SHF: variants seen among roughly 807,000 people sequenced by gnomAD.
SHF encodes the protein Src homology 2 domain containing F.
SHF carries 30 observed loss-of-function variants against 42.4 expected under a neutral mutation model. That is an observed-to-expected ratio of 0.71 (90% CI 0.53 to 0.96). SHF has a LOEUF of 0.96. Among genes scored for constraint, SHF ranks in the 40% least tolerant of loss-of-function variants. SHF has a pLI of 0.00. For missense variants in SHF, 598 were observed against 634.0 expected (o/e 0.94, Z 0.61); for synonymous variants, 264 against 269.9 (o/e 0.98, Z 0.21).
rs2141360033 is a variant in SHF at position 45,175,530 on chromosome 15, A to G, written c.641-105T>C. 6 of 1,176,346 alleles carry G rather than the reference A, an allele frequency of 5.1e-6. No individual in the cohort carries two copies. The South Asian group carries it at 8.3e-5, about 16-fold the overall frequency. The allele number at this position is 1,176,346 out of a possible 1,614,324, so 72.9% of individuals were successfully genotyped here. On this transcript the variant is annotated intron_variant, in intron 2 of 6. Coordinates refer to ENST00000690270, the MANE Select transcript of SHF (RefSeq NM_001394037.1). ...ACAAGCCAGGCCTCCTTCAGAGGAG[A>G]TGCCCTGGCTCTGGGGGGAGCTCAG...
chr15:45,199,095 C>A, exon 2 of SHF: 1 of 1,546,052 alleles, frequency 6.5e-7, no homozygotes, highest in Non-Finnish European at 8.7e-7. Context: ...TGACCCAATG[C>A]CGCCTCTGTG....
At chr15:45,190,158 T>G (rs139487574), upstream of SHF, among the ~76,000 whole-genome samples, 1 of 152,312 alleles carries the variant, frequency 6.6e-6, no homozygotes, top group Non-Finnish European at 1.5e-5. Context: ...CCAGACCACA[T>G]GTTGAGTAGC....
At chr15:45,185,351 AGCATC>A (rs1898336065) in intron 1 of SHF, among the ~76,000 whole-genome samples, 1 of 152,228 alleles carries the variant, frequency 6.6e-6, no homozygotes, top group Non-Finnish European at 1.5e-5. Flanking sequence ...ATCCAGGAGC[AGCATC>A]TCTTAGGTTT....
chr15:45,195,930 C>CT (rs1156332873), intron 2 of SHF, among the ~76,000 whole-genome samples: 1 of 152,098 alleles, frequency 6.6e-6, no homozygotes, highest in East Asian at 1.9e-4. Context: ...CACATATGCA[C>CT]TTTGTTTGTT....
At chr15:45,176,693 CA>C (rs1336378884) in intron 2 of SHF, among the ~76,000 whole-genome samples, 1 of 152,050 alleles carries the variant, frequency 6.6e-6, no homozygotes, top group African/African-American at 2.4e-5. Flanking sequence ...CCACCTTCTC[CA>C]AAGCTAGTAG....
intron 1 of SHF, among the ~76,000 whole-genome samples, chr15:45,187,009 G>A (rs1183513714): frequency 6.6e-6 from 1 of 152,242 alleles, no homozygotes; most frequent in Non-Finnish European, 1.5e-5. Context: ...GAGGCAACAG[G>A]AGGGAAGAGC....
In SHF at chr15:45,167,657, G is replaced by T. The variant is rs942786581; in HGVS notation, c.*290C>A. ...TCTGCCCTAAGGTCGGAAAGGAGCC[G>T]GAGCTGCCAGTCTGAAACTCCCTAC... On this transcript the variant is annotated 3_prime_UTR_variant, in exon 7 of 7. Coordinates refer to ENST00000690270, the MANE Select transcript of SHF (RefSeq NM_001394037.1). The T allele has an allele frequency of 8.1e-5, 21 of 260,782 alleles. No individual in the cohort carries two copies. The highest frequency in any genetic ancestry group is 1.4e-5 in the Non-Finnish European group (2 of 139,590). The allele number at this position is 260,782 out of a possible 1,614,324, so 16.2% of individuals were successfully genotyped here. A position where few individuals can be genotyped will look rare whatever the true frequency, so the allele number is the denominator to read the frequency against.
chr15:45,188,010 T>TGGGGAGGGGGGCGGGGCTCCGCCGGGC (rs1898562969), upstream of SHF: 2 of 73,008 alleles, frequency 2.7e-5, no homozygotes, highest in South Asian at 6.8e-4. Context: ...GGGGCGGGGG[T>TGGGGAGGGGGGCGGGGCTCCGCCGGGC]GGGGAGGGGG....
intron 2 of SHF, among the ~76,000 whole-genome samples, chr15:45,198,252 C>A (rs1435827973): frequency 1.3e-5 from 2 of 151,442 alleles, no homozygotes; most frequent in African/African-American, 4.9e-5. Flanking sequence ...CCAGCCTGGG[C>A]GACAGGGGAG....
chr15:45,167,891 C>A lies in SHF; in HGVS notation c.*56G>T, dbSNP rs989447771. The stretch of plus-strand genomic sequence containing the variant: ...CCCTGGCAAGAGCCACAGCCCTCAG[C>A]CAGGTGATGGGCACAGGGCTGGGTA... On this transcript the variant is annotated 3_prime_UTR_variant, in exon 7 of 7. Transcript: ENST00000690270. 7.0e-7 allele frequency: 1 copy of A among 1,420,390 alleles called. No homozygotes were observed. Among genetic ancestry groups the A allele is most frequent in the Non-Finnish European group, 9.3e-7 (1 of 1,074,130 alleles). 88.0% of individuals were successfully genotyped at this position (1,420,390 alleles called of 1,614,324 possible). A position where few individuals can be genotyped will look rare whatever the true frequency, so the allele number is the denominator to read the frequency against.
rs575730605 is a variant in SHF, at chr15:45,200,510, G to A, written c.-47+217C>T. 7.1e-5 allele frequency: 25 copies of A among 354,458 alleles called. No individual in the cohort carries two copies. In the East Asian group the frequency reaches 1.6e-3, roughly 23 times the overall value. 22.0% of individuals were successfully genotyped at this position (354,458 alleles called of 1,614,324 possible). On this transcript the variant is annotated intron_variant, in intron 1 of 7. Transcript: ENST00000290894. Reference sequence around the variant, plus strand: ...GAGCTACTAGGGACACAGGACCTCGGCTTGTCGCCTGAACTCTTCTCTGTT... The same window carrying A: ...GAGCTACTAGGGACACAGGACCTCGACTTGTCGCCTGAACTCTTCTCTGTT...
chr15:45,189,976 T>C (rs1036699886), upstream of SHF, among the ~76,000 whole-genome samples: 3 of 152,210 alleles, frequency 2.0e-5, no homozygotes, highest in Non-Finnish European at 4.4e-5. Flanking sequence ...CAGACAGTGC[T>C]GCTTGTATTT....
At chr15:45,176,802 A>G (rs1897835792) in intron 2 of SHF, among the ~76,000 whole-genome samples, 1 of 152,162 alleles carries the variant, frequency 6.6e-6, no homozygotes, top group African/African-American at 2.4e-5. Context: ...ATATAATTTC[A>G]GGGCATTCAT....
chr15:45,175,080 G>T, intron 3 of SHF, 139 bp downstream of exon 3: 1 of 911,730 alleles, frequency 1.1e-6, no homozygotes. Context: ...CACCCCCTAT[G>T]GTACAGAACT....
chr15:45,176,669 T>C (rs1392143282), intron 2 of SHF, among the ~76,000 whole-genome samples: 3 of 152,110 alleles, frequency 2.0e-5, no homozygotes, highest in Admixed American at 6.6e-5. Context: ...TGACATACCA[T>C]TGTTTCAAAC....
intron 1 of SHF, among the ~76,000 whole-genome samples, chr15:45,185,430 T>C (rs1348289799): frequency 6.6e-6 from 1 of 152,230 alleles, no homozygotes; most frequent in Non-Finnish European, 1.5e-5. Context: ...CCCCAAACTC[T>C]GCTCCTAAAG....
At chr15:45,170,254 G>GC in intron 6 of SHF, 1 of 945,004 alleles carries the variant, frequency 1.1e-6, no homozygotes, top group Non-Finnish European at 1.4e-6. Flanking sequence ...GTGGCCTTGG[G>GC]CAAGTAACAA....
chr15:45,178,365 C>T (rs1897939277), intron 1 of SHF, 59 bp from the exon 2 acceptor site: 5 of 1,573,854 alleles, frequency 3.2e-6, no homozygotes, highest in Non-Finnish European at 4.3e-6. Flanking sequence ...CTCTGCTTCT[C>T]CCAAGGTACT....
intron 1 of SHF, among the ~76,000 whole-genome samples, chr15:45,179,487 TG>T (rs11338806): frequency 0.98 from 149,529 of 152,310 alleles, 73,482 homozygotes; most frequent in Non-Finnish European, 1. Flanking sequence ...CCCACACAAG[TG>T]GGCTCACGGC....
Sources: allele counts gnomAD v4.1 joint callset (sites outside exome capture counted in the v4.1 genomes callset), GRCh38; gene constraint gnomAD v4.1.1; transcripts MANE v1.5; gene names NCBI Gene and HGNC (gene_info 2026-07-23, HGNC 2026-07-21).